Variants in OR8H2 observed in about 807,000 individuals in gnomAD.
OR8H2 encodes the protein olfactory receptor family 8 subfamily H member 2.
For synonymous variants in OR8H2, 157 were observed against 139.2 expected, an observed-to-expected ratio of 1.13 and a Z score of -0.90; for missense variants, 374 against 371.1, an observed-to-expected ratio of 1.01 and a Z score of -0.06.
Position 56,106,898 on chromosome 11 carries a change from T to A in OR8H2, c.*917T>A, listed in dbSNP as rs1264012577. On this transcript the variant is annotated 3_prime_UTR_variant, in exon 2 of 2. Coordinates refer to ENST00000313503, the MANE Select transcript of OR8H2 (RefSeq NM_001386064.1). ...TGTGGGGGTAGCCATTATTCTTTTC[T>A]TTACTTCTCTAATAAACCCATTTTC... 6.6e-6 allele frequency: 1 copy of A among 151,982 alleles called. No individual in the cohort carries two copies. Among genetic ancestry groups the A allele is most frequent in the Admixed American group, 6.6e-5 (1 of 15,262 alleles). The allele number at this position is 151,982 out of a possible 1,614,324, so 9.4% of individuals were successfully genotyped here.
Position 56,105,699 on chromosome 11 carries a change from G to C in OR8H2, c.657G>C (p.Val219=), listed in dbSNP as rs780033031. The change falls in exon 2 of 2, where the codon GTG becomes GTC. Residue 219 remains valine (V), a synonymous_variant. Coordinates refer to ENST00000313503, the MANE Select transcript of OR8H2 (RefSeq NM_001386064.1). The stretch of plus-strand genomic sequence containing the variant: ...TTTTCACAATATCTGCATCCTATGT[G>C]TTCATTCTCTTTACCATCCTGAAAA... ...VSLFTISASY[V]FILFTILKIN... 1.2e-6 allele frequency: 2 copies of C among 1,614,042 alleles called. No individual in the cohort carries two copies. Among genetic ancestry groups the C allele is most frequent in the East Asian group, 4.5e-5 (2 of 44,878 alleles).
rs1854045044 is a variant in OR8H2, at chr11:56,105,691, T to A, written c.649T>A (p.Ser217Thr). 6.2e-7 allele frequency: 1 copy of A among 1,614,034 alleles called. No homozygotes were observed. Among genetic ancestry groups the A allele is most frequent in the Admixed American group, 1.7e-5 (1 of 60,012 alleles). The change falls in exon 2 of 2, where the codon TCC becomes ACC. Residue 217 changes from serine to threonine, a missense_variant. Coordinates refer to ENST00000313503, the MANE Select transcript of OR8H2 (RefSeq NM_001386064.1). ...GGTGTCCCTTTTCACAATATCTGCA[T>A]CCTATGTGTTCATTCTCTTTACCAT... ...LMVSLFTISA[S>T]YVFILFTILK...
chr11:56,103,812 A>G lies in OR8H2; in HGVS notation c.-347A>G, dbSNP rs780777176. On this transcript the variant is annotated 5_prime_UTR_variant, in exon 1 of 2. The change creates a new upstream start codon in the 5' untranslated region. Coordinates refer to ENST00000313503, the MANE Select transcript of OR8H2 (RefSeq NM_001386064.1). Reference sequence around the variant, plus strand: ...AGATTGGTTTATTTTAACTCAGAATAAAACATAATGAATACACCAAAATGT... The same window carrying G: ...AGATTGGTTTATTTTAACTCAGAATGAAACATAATGAATACACCAAAATGT... The G allele has an allele frequency of 2.0e-5, 3 of 152,230 alleles. No individual in the cohort carries two copies. The highest frequency in any genetic ancestry group is 4.4e-5 in the Non-Finnish European group (3 of 68,040). 9.4% of individuals were successfully genotyped at this position (152,230 alleles called of 1,614,324 possible). A position where few individuals can be genotyped will look rare whatever the true frequency, so the allele number is the denominator to read the frequency against.
rs746508735 is a variant in OR8H2 at position 56,105,701 on chromosome 11, T to A, written c.659T>A (p.Phe220Tyr). The change falls in exon 2 of 2, where the codon TTC becomes TAC. Residue 220 changes from phenylalanine to tyrosine, a missense_variant. Coordinates refer to ENST00000313503, the MANE Select transcript of OR8H2 (RefSeq NM_001386064.1). ...SLFTISASYV[F>Y]ILFTILKINS... ...TTCACAATATCTGCATCCTATGTGTTCATTCTCTTTACCATCCTGAAAATT... is the reference window on the plus strand; with the variant it reads ...TTCACAATATCTGCATCCTATGTGTACATTCTCTTTACCATCCTGAAAATT... 3.1e-6 allele frequency: 5 copies of A among 1,614,148 alleles called. No individual in the cohort carries two copies. In the Admixed American group the frequency reaches 8.3e-5, roughly 27 times the overall value.
At chr11:56,104,054 A>G (rs1854014392) in intron 1 of OR8H2, 67 bp downstream of exon 1, 1 of 152,070 alleles carries the variant, frequency 6.6e-6, no homozygotes, top group Non-Finnish European at 1.5e-5. Flanking sequence ...TAAAATGCAG[A>G]CTTTATCAGA....
rs1411012597 is a variant in OR8H2, at chr11:56,106,299, T to C, written c.*318T>C. ...ATTCAAATTCTTATGTATACTTCAA[T>C]TGTAGATAAATTTATTATGGAAAGA... On this transcript the variant is annotated 3_prime_UTR_variant, in exon 2 of 2. Coordinates refer to ENST00000313503, the MANE Select transcript of OR8H2 (RefSeq NM_001386064.1). 3 of 171,540 alleles carry C rather than the reference T, an allele frequency of 1.7e-5. No individual in the cohort carries two copies. Among genetic ancestry groups the C allele is most frequent in the Admixed American group, 1.2e-4 (2 of 16,668 alleles). 10.6% of individuals were successfully genotyped at this position (171,540 alleles called of 1,614,324 possible).
chr11:56,104,874 T>G lies in OR8H2; in HGVS notation c.-169T>G. 3.6e-6 allele frequency: 2 copies of G among 561,742 alleles called. No individual in the cohort carries two copies. The highest frequency in any genetic ancestry group is 3.1e-6 in the Non-Finnish European group (1 of 324,172). The allele number at this position is 561,742 out of a possible 1,614,324, so 34.8% of individuals were successfully genotyped here. A position where few individuals can be genotyped will look rare whatever the true frequency, so the allele number is the denominator to read the frequency against. On this transcript the variant is annotated splice_region_variant and 5_prime_UTR_variant, in exon 2 of 2. Transcript: ENST00000313503. ...TTGTTTTTTGTTTTTTGAGTCAGAG[T>G]CTGGCACAGTCGCCAGGGCTGGAAT...
rs575832570 is a variant in OR8H2, at chr11:56,107,130, T to A, written c.*1149T>A. The A allele has an allele frequency of 6.6e-6, 1 of 151,926 alleles. No homozygotes were observed. The highest frequency in any genetic ancestry group is 1.5e-5 in the Non-Finnish European group (1 of 67,822). 9.4% of individuals were successfully genotyped at this position (151,926 alleles called of 1,614,324 possible). A position where few individuals can be genotyped will look rare whatever the true frequency, so the allele number is the denominator to read the frequency against. On this transcript the variant is annotated 3_prime_UTR_variant, in exon 2 of 2. Coordinates refer to ENST00000313503, the MANE Select transcript of OR8H2 (RefSeq NM_001386064.1). ...CTTGGTACATGGACAAAATCAAGAC[T>A]CACTTCACAATGTTTTGGACTTGAA...
Position 56,107,271 on chromosome 11 carries a change from T to A in OR8H2, c.*1290T>A, listed in dbSNP as rs1294540299. ...GTGTCAAATTGCTTCTTTGTTAAAA[T>A]CCTGTGTGTTTTTAAAAATCATTGC... On this transcript the variant is annotated 3_prime_UTR_variant, in exon 2 of 2. Transcript: ENST00000313503. 1 of 152,010 alleles carries A rather than the reference T, an allele frequency of 6.6e-6. No homozygotes were observed. Among genetic ancestry groups the A allele is most frequent in the East Asian group, 1.9e-4 (1 of 5,198 alleles). The allele number at this position is 152,010 out of a possible 1,614,324, so 9.4% of individuals were successfully genotyped here.
rs376257911 is a variant in OR8H2, at chr11:56,105,193, C to A, written c.151C>A (p.Arg51Ser). ...LGNVGMILII[R>S]LDLQLHTPMY... is the part of the protein sequence containing the mutation. ...GAATGTGGGGATGATATTGATAATC[C>A]GCCTGGACCTCCAGCTTCACACTCC... Residue 51 changes from arginine (R) to serine (S), a missense_variant, in exon 2 of 2, where the codon CGC becomes AGC. Physicochemically the swap from Arg to Ser is moderately radical, Grantham distance 110. Coordinates refer to ENST00000313503, the MANE Select transcript of OR8H2 (RefSeq NM_001386064.1). The A allele has an allele frequency of 4.1e-5, 66 of 1,613,892 alleles. No homozygotes were observed. In the East Asian group the frequency reaches 1.4e-3, roughly 35 times the overall value.
At position 56,105,652 on chromosome 11, in the gene OR8H2, G is replaced by A; in HGVS notation, c.610G>A (p.Gly204Ser). 1 of 1,613,962 alleles carries A rather than the reference G, an allele frequency of 6.2e-7. No individual in the cohort carries two copies. The highest frequency in any genetic ancestry group is 8.5e-7 in the Non-Finnish European group (1 of 1,179,924). The part of the protein sequence containing the change: ...NTEILIFIIV[G>S]STLMVSLFTI... ...CGAAATCCTGATATTCATTATTGTT[G>A]GTTCCACCCTGATGGTGTCCCTTTT... The change falls in exon 2 of 2, where the codon GGT becomes AGT. Residue 204 changes from glycine to serine, a missense_variant. By Grantham distance (56) the Gly-to-Ser change is moderately conservative (BLOSUM62 0). Coordinates refer to ENST00000313503, the MANE Select transcript of OR8H2 (RefSeq NM_001386064.1).
Position 56,105,365 on chromosome 11 carries a change from G to A in OR8H2, c.323G>A (p.Gly108Asp), listed in dbSNP as rs1854037885. 6.2e-7 allele frequency: 1 copy of A among 1,613,836 alleles called. No homozygotes were observed. Among genetic ancestry groups the A allele is most frequent in the Non-Finnish European group, 8.5e-7 (1 of 1,179,954 alleles). Reference sequence around the variant, plus strand: ...CAGATGTTCTTTTTTGCCTTCTTGGGTACTGCTGAATGTTACCTTCTCTCC... The same window carrying A: ...CAGATGTTCTTTTTTGCCTTCTTGGATACTGCTGAATGTTACCTTCTCTCC... The part of the protein sequence containing the change: ...FAQMFFFAFL[G>D]TAECYLLSSM... The change falls in exon 2 of 2, where the codon GGT (glycine) becomes GAT (aspartate). Residue 108 changes from glycine (G) to aspartate (D), a missense_variant. Coordinates refer to ENST00000313503, the MANE Select transcript of OR8H2 (RefSeq NM_001386064.1).
intron 1 of OR8H2, 136 bp from the exon 2 acceptor site, chr11:56,104,736 G>T: frequency 3.8e-6 from 1 of 265,552 alleles, no homozygotes; most frequent in Non-Finnish European, 7.1e-6. Flanking sequence ...ATCAATATTG[G>T]CAATAAAATT....
chr11:56,104,770 A>C (rs1854025238), intron 1 of OR8H2, 102 bp from the exon 2 acceptor site: 1 of 342,612 alleles, frequency 2.9e-6, no homozygotes, highest in African/African-American at 2.1e-5. Context: ...ATATTCTATA[A>C]ATTTATTAGC....
In OR8H2 at chr11:56,105,458, G is replaced by T. The variant is rs191786486; in HGVS notation, c.416G>T (p.Arg139Met). ...PLHYTVIMSK[R>M]LCLALITGPY... is the part of the protein sequence containing the mutation. ...CACTACACAGTTATTATGTCCAAAAGGCTCTGCCTCGCTCTCATCACTGGG... is the reference window on the plus strand; with the variant it reads ...CACTACACAGTTATTATGTCCAAAATGCTCTGCCTCGCTCTCATCACTGGG... The change falls in exon 2 of 2, where the codon AGG becomes ATG. Residue 139 changes from arginine (R) to methionine (M), a missense_variant. Arg to Met is a moderately conservative substitution (Grantham distance 91, BLOSUM62 -1). Transcript: ENST00000313503. The T allele has an allele frequency of 4.5e-5, 73 of 1,614,114 alleles. No homozygotes were observed. Among genetic ancestry groups the T allele is most frequent in the Non-Finnish European group, 3.4e-6 (4 of 1,180,026 alleles).
Position 56,107,089 on chromosome 11 carries a change from C to T in OR8H2, c.*1108C>T, listed in dbSNP as rs750484671. The T allele has an allele frequency of 2.6e-5, 4 of 151,846 alleles. No individual in the cohort carries two copies. Among genetic ancestry groups the T allele is most frequent in the Non-Finnish European group, 4.4e-5 (3 of 67,822 alleles). The allele number at this position is 151,846 out of a possible 1,614,324, so 9.4% of individuals were successfully genotyped here. A position where few individuals can be genotyped will look rare whatever the true frequency, so the allele number is the denominator to read the frequency against. On this transcript the variant is annotated 3_prime_UTR_variant, in exon 2 of 2. Coordinates refer to ENST00000313503, the MANE Select transcript of OR8H2 (RefSeq NM_001386064.1). ...AAGTTTAATGTTGTCATCGACAACT[C>T]TAATATAAATTTTTTCTTGGTACAT...
At position 56,105,057 on chromosome 11, in the gene OR8H2, G is replaced by T; in HGVS notation, c.15G>T (p.Arg5Ser). 6.2e-7 allele frequency: 1 copy of T among 1,612,456 alleles called. No homozygotes were observed. Among genetic ancestry groups the T allele is most frequent in the Non-Finnish European group, 8.5e-7 (1 of 1,178,972 alleles). The change falls in exon 2 of 2, where the codon AGG becomes AGT. Residue 5 changes from arginine (R) to serine (S), a missense_variant. Physicochemically the swap from Arg to Ser is moderately radical, Grantham distance 110 (BLOSUM62 -1). Transcript: ENST00000313503. MMGR[R>S]NNTNVADFIL... ...AGCAGGTGAACATGATGGGTAGAAG[G>T]AATAACACAAATGTGGCTGACTTCA...
At position 56,105,293 on chromosome 11, in the gene OR8H2, C is replaced by T. The variant is rs1854035766; in HGVS notation, c.251C>T (p.Ala84Val). 3.1e-6 allele frequency: 5 copies of T among 1,614,192 alleles called. No individual in the cohort carries two copies. The highest frequency in any genetic ancestry group is 1.3e-5 in the African/African-American group (1 of 75,054). Residue 84 changes from alanine to valine, a missense_variant, in exon 2 of 2, where the codon GCG (alanine) becomes GTG (valine). Ala to Val is a moderately conservative substitution (Grantham distance 64). Transcript: ENST00000313503. ...ACTGTCGTCACACCTAAAACCTTAG[C>T]GAACTTACTGACTTCCAACTATATT... ...YSTVVTPKTL[A>V]NLLTSNYISF... is the part of the protein sequence containing the mutation.
rs747740295 is a variant in OR8H2, at chr11:56,105,783, A to G, written c.741A>G (p.Gly247=). The G allele has an allele frequency of 9.9e-6, 16 of 1,613,846 alleles. No homozygotes were observed. Among genetic ancestry groups the G allele is most frequent in the Non-Finnish European group, 1.3e-5 (15 of 1,179,808 alleles). ...CTACTTGCGTCTCTCATCTCTTGGG[A>G]GTCACCATCTTTTATAGCACTCTGA... ...AFSTCVSHLL[G]VTIFYSTLIF... Residue 247 remains glycine, a synonymous_variant, in exon 2 of 2, where the codon GGA becomes GGG. Transcript: ENST00000313503.
Sources: allele counts gnomAD v4.1 joint callset, GRCh38; gene constraint gnomAD v4.1.1; transcripts MANE v1.5; gene names NCBI Gene and HGNC (gene_info 2026-07-23, HGNC 2026-07-21).